Variants in ZNF503 observed in about 807,000 individuals in gnomAD.
ZNF503 encodes NocA-like zinc finger 2.
A neutral mutation model predicts 34.4 loss-of-function variants in ZNF503; 15 were observed. The observed-to-expected ratio is 0.44, with a 90% CI of 0.29 to 0.67. ZNF503 has a LOEUF of 0.67. Ranked by LOEUF, ZNF503 falls within the 30% of genes least tolerant of loss-of-function variation. The probability of loss-of-function intolerance (pLI) is 0.13; values close to 1 mark genes in which losing one functional copy is unlikely to be tolerated. For missense variants in ZNF503, 1,007 were observed against 926.8 expected (o/e 1.09, Z -1.12); for synonymous variants, 580 against 456.8 (o/e 1.27, Z -3.44).
the ZNF503 span, among the ~76,000 whole-genome samples, chr10:75,301,521 G>T: frequency 1.3e-5 from 2 of 152,160 alleles, no homozygotes; most frequent in East Asian, 3.8e-4. Context: ...GGTTACAGGC[G>T]TGAGCCACCA....
At chr10:75,339,002 T>G in the ZNF503 span, among the ~76,000 whole-genome samples, 3 of 151,622 alleles carry the variant, frequency 2.0e-5, no homozygotes, top group African/African-American at 4.8e-5. Flanking sequence ...CCGAGGCGGG[T>G]GGATTGCTTG....
the ZNF503 span, among the ~76,000 whole-genome samples, chr10:75,345,199 C>G: frequency 6.6e-6 from 1 of 152,140 alleles, no homozygotes; most frequent in Non-Finnish European, 1.5e-5. Context: ...GAGCTGGTCA[C>G]AGAGGTTGGG....
At chr10:75,300,831 G>A in the ZNF503 span, among the ~76,000 whole-genome samples, 5 of 147,658 alleles carry the variant, frequency 3.4e-5, no homozygotes, top group South Asian at 2.2e-4. Context: ...TCAGCCTCCC[G>A]AGTAGCTGGG....
the ZNF503 span, among the ~76,000 whole-genome samples, chr10:75,331,727 C>G: frequency 6.6e-6 from 1 of 152,110 alleles, no homozygotes; most frequent in African/African-American, 2.4e-5. Context: ...GAACACCTGG[C>G]CTTAAGTGAT....
the ZNF503 span, among the ~76,000 whole-genome samples, chr10:75,379,445 C>T: frequency 6.6e-6 from 1 of 152,190 alleles, no homozygotes; most frequent in Non-Finnish European, 1.5e-5. Flanking sequence ...AATTGTAAGG[C>T]CTTGCCTCAT....
the ZNF503 span, among the ~76,000 whole-genome samples, chr10:75,314,317 A>G: frequency 1.6e-4 from 25 of 152,066 alleles, no homozygotes; most frequent in South Asian, 5.0e-3. Flanking sequence ...AAAACAATAT[A>G]AGAACAAAAT....
At chr10:75,300,758 T>C in the ZNF503 span, among the ~76,000 whole-genome samples, 2 of 134,036 alleles carry the variant, frequency 1.5e-5, no homozygotes, top group African/African-American at 5.9e-5. Context: ...CAGGCTGGAG[T>C]GCGATGGTGC....
chr10:75,399,215 G>A lies in ZNF503; in HGVS notation c.1475C>T (p.Pro492Leu). The change falls in exon 2 of 2, where the codon CCG becomes CTG. Residue 492 changes from proline to leucine, a missense_variant. Physicochemically the swap from Pro to Leu is moderately conservative, Grantham distance 98 (BLOSUM62 -3). Coordinates refer to ENST00000372524, the MANE Select transcript of ZNF503 (RefSeq NM_032772.6). ...LTAAAAAGAT[P>L]PSLAGHPLYP... ...GAGGGGGTGGCCGGCCAGGGAGGGC[G>A]GTGTGGCGCCAGCAGCCGCGGCGGC... 1.3e-6 allele frequency: 2 copies of A among 1,594,458 alleles called. No homozygotes were observed. The highest frequency in any genetic ancestry group is 1.7e-6 in the Non-Finnish European group (2 of 1,169,192).
chr10:75,338,124 T>G, the ZNF503 span, among the ~76,000 whole-genome samples: 53 of 152,364 alleles, frequency 3.5e-4, no homozygotes, highest in Non-Finnish European at 1.2e-4. Context: ...AACAGTGACT[T>G]TAGATGACAT....
At chr10:75,348,507 ATTTTTTTTT>A in the ZNF503 span, among the ~76,000 whole-genome samples, 1 of 99,360 alleles carries the variant, frequency 1.0e-5, no homozygotes, top group Admixed American at 1.1e-4. Flanking sequence ...CCCTATTACT[ATTTTTTTTT>A]TTTTTTTTTT....
At chr10:75,359,580 C>T in the ZNF503 span, among the ~76,000 whole-genome samples, 1 of 152,184 alleles carries the variant, frequency 6.6e-6, no homozygotes, top group Non-Finnish European at 1.5e-5. Flanking sequence ...CAAGAGCAAC[C>T]AGATTCTCCT....
At chr10:75,316,290 G>A in the ZNF503 span, among the ~76,000 whole-genome samples, 2 of 151,900 alleles carry the variant, frequency 1.3e-5, no homozygotes, top group African/African-American at 4.8e-5. Flanking sequence ...AAGTGCACAT[G>A]GAGCATTCTC....
the ZNF503 span, among the ~76,000 whole-genome samples, chr10:75,341,070 C>T: frequency 2.6e-4 from 39 of 152,270 alleles, no homozygotes; most frequent in East Asian, 7.7e-4. Context: ...ACTGTGTGGA[C>T]GCCCAGTTTT....
chr10:75,289,335 A>G, the ZNF503 span, among the ~76,000 whole-genome samples: 2 of 152,312 alleles, frequency 1.3e-5, no homozygotes, highest in African/African-American at 4.8e-5. Flanking sequence ...GCCTCTGGGC[A>G]TGTCCTGACC....
chr10:75,363,214 T>A, the ZNF503 span, among the ~76,000 whole-genome samples: 7 of 152,274 alleles, frequency 4.6e-5, no homozygotes, highest in East Asian at 1.4e-3. Flanking sequence ...CTAGGCTTAG[T>A]CACAGCCCCC....
Position 75,401,262 on chromosome 10 carries a change from G to C in ZNF503, c.158C>G (p.Thr53Ser), listed in dbSNP as rs1229944430. ...PGPGSSPAGS[T>S]KPFVHAVPPS... ...GGGCACGGCGTGCACAAAAGGCTTGGTGCTGCCGGCCGGGGACGAGCCTGG... is the reference window on the plus strand; with the variant it reads ...GGGCACGGCGTGCACAAAAGGCTTGCTGCTGCCGGCCGGGGACGAGCCTGG... Residue 53 changes from threonine to serine, a missense_variant, in exon 1 of 2, where the codon ACC (threonine) becomes AGC (serine). Thr to Ser is a moderately conservative substitution (Grantham distance 58). Coordinates refer to ENST00000372524, the MANE Select transcript of ZNF503 (RefSeq NM_032772.6). 6.3e-7 allele frequency: 1 copy of C among 1,599,586 alleles called. No homozygotes were observed. Among genetic ancestry groups the C allele is most frequent in the African/African-American group, 1.3e-5 (1 of 74,574 alleles).
At chr10:75,313,538 G>C in the ZNF503 span, among the ~76,000 whole-genome samples, 1 of 152,204 alleles carries the variant, frequency 6.6e-6, no homozygotes, top group African/African-American at 2.4e-5. Context: ...GCAAAACTAA[G>C]TGGGTGGCAG....
the ZNF503 span, among the ~76,000 whole-genome samples, chr10:75,297,878 T>G: frequency 4.6e-5 from 7 of 152,260 alleles, no homozygotes; most frequent in Non-Finnish European, 1.0e-4. Flanking sequence ...AGATACATTC[T>G]CATCCCAGCT....
chr10:75,354,986 G>A, the ZNF503 span, among the ~76,000 whole-genome samples: 2 of 151,918 alleles, frequency 1.3e-5, no homozygotes, highest in African/African-American at 2.4e-5. Context: ...CTACAGGCAT[G>A]TGCCACCACG....
Sources: allele counts gnomAD v4.1 joint callset (sites outside exome capture counted in the v4.1 genomes callset), GRCh38; gene constraint gnomAD v4.1.1; transcripts MANE v1.5; gene names NCBI Gene and HGNC (gene_info 2026-07-23, HGNC 2026-07-21).